The following EIF2AK1 variants were observed in gnomAD, a reference collection of about 807,000 sequenced individuals.
The protein encoded by EIF2AK1 is eukaryotic translation initiation factor 2-alpha kinase 1.
Under a neutral mutation model 77.9 loss-of-function variants are expected in EIF2AK1, and 54 were observed. That is an observed-to-expected ratio of 0.69 (90% CI 0.56 to 0.87). The LOEUF is 0.87. Among genes scored for constraint, EIF2AK1 ranks in the 40% least tolerant of loss-of-function variants. The pLI is 0.00. For synonymous variants in EIF2AK1, 314 were observed against 290.5 expected, an observed-to-expected ratio of 1.08 and a Z score of -0.82; for missense variants, 810 against 768.6, an observed-to-expected ratio of 1.05 and a Z score of -0.64.
At chr7:6,031,447 A>G in intron 11 of EIF2AK1, 1 of 1,550,838 alleles carries the variant, frequency 6.4e-7, no homozygotes, top group Non-Finnish European at 8.7e-7. Flanking sequence ...AAGATGGCCC[A>G]TCTGCAGCAC....
At chr7:6,057,204 C>A (rs1788804095) in intron 1 of EIF2AK1, among the ~76,000 whole-genome samples, 1 of 144,290 alleles carries the variant, frequency 6.9e-6, no homozygotes, top group African/African-American at 2.6e-5. Context: ...ACGATCTCAG[C>A]TCACTGCAAC....
Position 6,027,004 on chromosome 7 carries a change from G to A in EIF2AK1, c.1531-43C>T. 6.6e-7 allele frequency: 1 copy of A among 1,516,278 alleles called. No individual in the cohort carries two copies. The highest frequency in any genetic ancestry group is 9.1e-7 in the Non-Finnish European group (1 of 1,096,570). The allele number at this position is 1,516,278 out of a possible 1,614,324, so 93.9% of individuals were successfully genotyped here. On this transcript the variant is annotated intron_variant, in intron 13 of 14. Coordinates refer to ENST00000199389, the MANE Select transcript of EIF2AK1 (RefSeq NM_014413.4). The surrounding 1 kb of genome is among the most constrained non-coding windows in gnomAD (Gnocchi z 4.5). ...GGGGAACTCAGTAGTGAAATACAAA[G>A]TTAGAAGAACGTTTCCATTTCCGTG... is the stretch of plus-strand genomic sequence containing the variant.
chr7:6,041,559 C>T (rs896819567), intron 8 of EIF2AK1, among the ~76,000 whole-genome samples: 4 of 138,644 alleles, frequency 2.9e-5, no homozygotes, highest in Admixed American at 7.2e-5. Context: ...AAAAAAAAGT[C>T]GGCCGGGTGC....
In EIF2AK1 at chr7:6,054,655, C is replaced by T. The variant is rs1472020445; in HGVS notation, c.168G>A (p.Gln56=). 6.2e-7 allele frequency: 1 copy of T among 1,614,100 alleles called. No homozygotes were observed. ...TTGCAACTGCAAAAGGGAAGGTTGG[C>T]TGTTGTAGGGGTTCTTTTAACACCT... ...EIQVLKEPLQ[Q]PTFPFAVANQ... Residue 56 remains glutamine (Q), a synonymous_variant, in exon 2 of 15, where the codon CAG becomes CAA. Transcript: ENST00000199389.
intron 2 of EIF2AK1, among the ~76,000 whole-genome samples, chr7:6,051,744 C>T (rs1422398052): frequency 6.6e-6 from 1 of 151,488 alleles, no homozygotes; most frequent in African/African-American, 2.4e-5. Context: ...ATTCTTTCTG[C>T]ATCAAAAACT....
In EIF2AK1 at chr7:6,032,289, C is replaced by G. The variant is rs1285593008; in HGVS notation, c.1333-3257G>C. 3.3e-5 allele frequency among the ~76,000 whole-genome samples: 5 copies of G among 152,242 alleles called. No homozygotes were observed. Among genetic ancestry groups the G allele is most frequent in the African/African-American group, 1.2e-4 (5 of 41,466 alleles). On this transcript the variant is annotated intron_variant, in intron 11 of 14. Transcript: ENST00000199389. This position sits in a 1 kb window ranked among gnomAD's most constrained non-coding sequence, Gnocchi z 4.3. Reference sequence around the variant, plus strand: ...TTAAATTCAAAAAGGAAGTCACCCTCCCTTGTACCCTACTGTCTTATCTTG... The same window carrying G: ...TTAAATTCAAAAAGGAAGTCACCCTGCCTTGTACCCTACTGTCTTATCTTG...
At chr7:6,044,207 G>A (rs1047566637) in intron 7 of EIF2AK1, among the ~76,000 whole-genome samples, 1 of 151,672 alleles carries the variant, frequency 6.6e-6, no homozygotes, top group African/African-American at 2.4e-5. Context: ...GCTCATGCCT[G>A]TAATCTCAGC....
rs1296388225 is a variant in EIF2AK1 at position 6,044,544 on chromosome 7, C to T, written c.730+18G>A. ...GTTTGCCAACGCTTCAACTACCATA[C>T]CATCAAAAACGGCTTACCTCGTGGC... On this transcript the variant is annotated intron_variant, in intron 7 of 14. Coordinates refer to ENST00000199389, the MANE Select transcript of EIF2AK1 (RefSeq NM_014413.4). 23 of 1,606,140 alleles carry T rather than the reference C, an allele frequency of 1.4e-5. No homozygotes were observed. Among genetic ancestry groups the T allele is most frequent in the Non-Finnish European group, 2.0e-5 (23 of 1,174,982 alleles).
chr7:6,044,757 T>C, intron 6 of EIF2AK1, 96 bp from the exon 7 acceptor site: 2 of 980,476 alleles, frequency 2.0e-6, no homozygotes, highest in East Asian at 5.1e-5. Flanking sequence ...AGATGGCCCC[T>C]GACTTACAAT....
At chr7:6,054,790 T>C in intron 1 of EIF2AK1, 86 bp from the exon 2 acceptor site, 1 of 1,315,672 alleles carries the variant, frequency 7.6e-7, no homozygotes, top group Admixed American at 2.1e-5. Context: ...TAATGAAACA[T>C]GAAATATTTA....
Position 6,032,736 on chromosome 7 carries a change from G to C in EIF2AK1, c.1333-3704C>G. 1.1e-6 allele frequency: 1 copy of C among 892,998 alleles called. No individual in the cohort carries two copies. The allele number at this position is 892,998 out of a possible 1,614,324, so 55.3% of individuals were successfully genotyped here. A position where few individuals can be genotyped will look rare whatever the true frequency, so the allele number is the denominator to read the frequency against. ...CATACCAGAAAAAGAGTGAGCCAAT[G>C]AGACACTAAATAAATGTATTGCCTT... is the stretch of plus-strand genomic sequence containing the variant. On this transcript the variant is annotated intron_variant, in intron 11 of 14. Coordinates refer to ENST00000199389, the MANE Select transcript of EIF2AK1 (RefSeq NM_014413.4). This position sits in a 1 kb window ranked among gnomAD's most constrained non-coding sequence, Gnocchi z 4.3.
rs1171291270 is a variant in EIF2AK1 at position 6,024,750 on chromosome 7, C to T, written c.1816G>A (p.Glu606Lys). 10 of 1,593,216 alleles carry T rather than the reference C, an allele frequency of 6.3e-6. No homozygotes were observed. Among genetic ancestry groups the T allele is most frequent in the Non-Finnish European group, 8.5e-6 (10 of 1,173,570 alleles). Residue 606 changes from glutamate (E) to lysine (K), a missense_variant, in exon 15 of 15, where the codon GAA (glutamate) becomes AAA (lysine). Transcript: ENST00000199389. ...AGGAGGTTTAGCTGCTTCTTTAGTT[C>T]TGCAATTTCTTTTTCTTGCTCTATT... ...KIIEQEKEIA[E>K]LKKQLNLLSQ... is the part of the protein sequence containing the mutation.
chr7:6,059,053 G>T lies in EIF2AK1; in HGVS notation c.31C>A (p.Arg11Ser). Residue 11 changes from arginine to serine, a missense_variant, in exon 1 of 15, where the codon CGC becomes AGC. Arg to Ser is a moderately radical substitution (Grantham distance 110). This residue lies in a region of EIF2AK1 where 246 missense variants were observed against 199.0 expected (regional missense o/e 1.24). Coordinates refer to ENST00000199389, the MANE Select transcript of EIF2AK1 (RefSeq NM_014413.4). ...CCAGCCCCGTCGCCCTCCTCTTCGCGCTTGCGGACCCCGGAGTTGCCCCCC... is the reference window on the plus strand; with the variant it reads ...CCAGCCCCGTCGCCCTCCTCTTCGCTCTTGCGGACCCCGGAGTTGCCCCCC... MQGGNSGVRK[R>S]EEEGDGAGAV... 6.7e-7 allele frequency: 1 copy of T among 1,494,828 alleles called. No homozygotes were observed. 92.6% of individuals were successfully genotyped at this position (1,494,828 alleles called of 1,614,324 possible).
chr7:6,035,422 G>A lies in EIF2AK1; in HGVS notation c.1332+2002C>T, dbSNP rs1437738550. The A allele has an allele frequency of 9.1e-6, 14 of 1,539,838 alleles. No individual in the cohort carries two copies. The Admixed American group carries it at 9.9e-5, about 11-fold the overall frequency. On this transcript the variant is annotated intron_variant, in intron 11 of 14. Coordinates refer to ENST00000199389, the MANE Select transcript of EIF2AK1 (RefSeq NM_014413.4). The surrounding 1 kb of genome is among the most constrained non-coding windows in gnomAD (Gnocchi z 5.5). The stretch of plus-strand genomic sequence containing the variant: ...GTTCCCACTGTGAATTCAGTGTAAC[G>A]TGTAATCAATACCCATTCTAGGGAC...
chr7:6,038,590 G>A lies in EIF2AK1; in HGVS notation c.1201C>T (p.Arg401Trp), dbSNP rs142287286. 505 of 1,612,470 alleles carry A rather than the reference G, an allele frequency of 3.1e-4. 1 individual carries two copies. The highest frequency in any genetic ancestry group is 4.9e-4 in the Middle Eastern group (3 of 6,078). ...LWDWIVERNK[R>W]GREYVDESAC... ...GACTCGTCCACATACTCCCGGCCCC[G>A]CTTGTTTCTCTCGACTATCCAATCC... The change falls in exon 10 of 15, where the codon CGG becomes TGG. Residue 401 changes from arginine to tryptophan, a missense_variant. Coordinates refer to ENST00000199389, the MANE Select transcript of EIF2AK1 (RefSeq NM_014413.4).
chr7:6,023,140 G>A lies in EIF2AK1; in HGVS notation c.*1533C>T. 2 of 800,272 alleles carry A rather than the reference G, an allele frequency of 2.5e-6. No individual in the cohort carries two copies. The highest frequency in any genetic ancestry group is 3.8e-6 in the Non-Finnish European group (2 of 525,688). The allele number at this position is 800,272 out of a possible 1,614,324, so 49.6% of individuals were successfully genotyped here. A position where few individuals can be genotyped will look rare whatever the true frequency, so the allele number is the denominator to read the frequency against. ...GTTTGCACTTAAACCCTTTTCAGTA[G>A]TAAGCATCTTAGAGACAGACTGAAA... On this transcript the variant is annotated 3_prime_UTR_variant, in exon 15 of 15. Coordinates refer to ENST00000199389, the MANE Select transcript of EIF2AK1 (RefSeq NM_014413.4).
chr7:6,039,660 T>C (rs1788237912), intron 9 of EIF2AK1, among the ~76,000 whole-genome samples: 1 of 134,204 alleles, frequency 7.5e-6, no homozygotes, highest in African/African-American at 2.8e-5. Flanking sequence ...CTTGGTAGGA[T>C]GCAGTGGCTC....
intron 1 of EIF2AK1, among the ~76,000 whole-genome samples, chr7:6,055,444 C>T (rs763046636): frequency 3.3e-5 from 5 of 149,398 alleles, no homozygotes; most frequent in Admixed American, 6.7e-5. Flanking sequence ...TCTACATGTA[C>T]AATCTCCTTC....
rs1401906836 is a variant in EIF2AK1, at chr7:6,023,859, A to G, written c.*814T>C. ...ATGGTTTTCATTTTATTTAAAATTCAGCAAAATCATACGCCATCTACCGTG... is the reference window on the plus strand; with the variant it reads ...ATGGTTTTCATTTTATTTAAAATTCGGCAAAATCATACGCCATCTACCGTG... On this transcript the variant is annotated 3_prime_UTR_variant, in exon 15 of 15. Coordinates refer to ENST00000199389, the MANE Select transcript of EIF2AK1 (RefSeq NM_014413.4). 34 of 1,545,352 alleles carry G rather than the reference A, an allele frequency of 2.2e-5. No individual in the cohort carries two copies. The highest frequency in any genetic ancestry group is 2.7e-5 in the Non-Finnish European group (31 of 1,144,946).
Sources: gnomAD v4.1 joint callset for allele counts (sites outside exome capture counted in the v4.1 genomes callset) on GRCh38, gnomAD v4.1.1 for gene constraint, gnomAD v4.1.1 regional missense constraint, Gnocchi (gnomAD v3.1) non-coding constraint, MANE v1.5 for transcripts, NCBI Gene and HGNC (gene_info 2026-07-23, HGNC 2026-07-21) for gene names.